NRG3: variants seen among roughly 807,000 people sequenced by gnomAD.
NRG3 encodes the protein neuregulin 3, also known as pro-neuregulin-3, membrane-bound isoform.
In NRG3, 31 loss-of-function variants were observed where a neutral mutation model predicts 66.9. That is an observed-to-expected ratio of 0.46 (90% confidence interval 0.35 to 0.63). The LOEUF (loss-of-function observed/expected upper bound fraction) is 0.63. Among genes scored for constraint, NRG3 ranks in the 20% least tolerant of loss-of-function variants. NRG3 has a pLI of 0.00. For synonymous variants in NRG3, 393 were observed against 359.4 expected (o/e 1.09, Z -1.06); for missense variants, 910 against 878.9 (o/e 1.04, Z -0.45).
intron 1 of NRG3, among the ~76,000 whole-genome samples, chr10:82,069,317 C>T (rs1363721624): frequency 6.6e-6 from 1 of 152,108 alleles, no homozygotes; most frequent in Admixed American, 6.6e-5. Flanking sequence ...AGAGGCAAAG[C>T]GTGACACAGT....
intron 2 of NRG3, among the ~76,000 whole-genome samples, chr10:82,711,808 T>A (rs926270024): frequency 6.6e-6 from 1 of 152,182 alleles, no homozygotes; most frequent in Non-Finnish European, 1.5e-5. Context: ...TCCTCTTGGA[T>A]CCCCATTGTG....
At chr10:82,857,526 G>A (rs2063874402) in intron 3 of NRG3, among the ~76,000 whole-genome samples, 1 of 152,174 alleles carries the variant, frequency 6.6e-6, no homozygotes, top group Non-Finnish European at 1.5e-5. Context: ...GGGTGTGGGA[G>A]ATTGGGATTA....
chr10:82,664,089 A>T (rs1309698077), intron 2 of NRG3, among the ~76,000 whole-genome samples: 1 of 152,174 alleles, frequency 6.6e-6, no homozygotes, highest in Non-Finnish European at 1.5e-5. Context: ...AATGTGTTCA[A>T]ATCTGCTTTT....
At chr10:82,703,469 T>C (rs1312371114) in intron 2 of NRG3, among the ~76,000 whole-genome samples, 1 of 152,164 alleles carries the variant, frequency 6.6e-6, no homozygotes, top group Non-Finnish European at 1.5e-5. Context: ...TTATTCTATC[T>C]TGCTACTCAC....
At chr10:81,960,692 TC>T (rs752606792) in intron 1 of NRG3, among the ~76,000 whole-genome samples, 1 of 151,394 alleles carries the variant, frequency 6.6e-6, no homozygotes, top group Non-Finnish European at 1.5e-5. Flanking sequence ...CTCCATACTG[TC>T]CTGCAGCCTG....
intron 1 of NRG3, among the ~76,000 whole-genome samples, chr10:81,976,741 A>G (rs1043906431): frequency 2.0e-5 from 3 of 152,180 alleles, no homozygotes; most frequent in Non-Finnish European, 2.9e-5. Flanking sequence ...TGAATGTGCA[A>G]TTCTACACAC....
intron 1 of NRG3, among the ~76,000 whole-genome samples, chr10:82,279,779 T>C (rs2134424058): frequency 6.6e-6 from 1 of 152,328 alleles, no homozygotes; most frequent in Non-Finnish European, 1.5e-5. Flanking sequence ...ATAATTAACC[T>C]TGGCAACATG....
At chr10:82,707,678 G>A (rs2056397603) in intron 2 of NRG3, among the ~76,000 whole-genome samples, 1 of 151,402 alleles carries the variant, frequency 6.6e-6, no homozygotes, top group Admixed American at 6.6e-5. Flanking sequence ...ACAGGTGTGA[G>A]CCACTGTTCC....
chr10:82,216,575 T>G (rs114325331), intron 1 of NRG3, among the ~76,000 whole-genome samples: 16,632 of 141,482 alleles, frequency 0.12, 1,092 homozygotes, highest in Admixed American at 0.22. Flanking sequence ...TATATCTGGG[T>G]GTGTGTGTGT....
intron 3 of NRG3, among the ~76,000 whole-genome samples, chr10:82,864,897 A>AAG (rs1160824541): frequency 1.3e-5 from 2 of 152,140 alleles, no homozygotes; most frequent in Non-Finnish European, 2.9e-5. Context: ...TAAAAAGTGA[A>AAG]AGAGAGAGAG....
At chr10:82,358,977 A>G (rs1463059999) in intron 2 of NRG3, 109 bp downstream of exon 2, 1 of 1,464,250 alleles carries the variant, frequency 6.8e-7, no homozygotes, top group East Asian at 2.3e-5. Flanking sequence ...ACACAGTCCC[A>G]CCGTTTGAAT....
chr10:82,851,221 TTA>T (rs1378481731), intron 3 of NRG3, among the ~76,000 whole-genome samples: 1 of 152,214 alleles, frequency 6.6e-6, no homozygotes, highest in African/African-American at 2.4e-5. Flanking sequence ...CACATTTCGT[TTA>T]TCTAATTCCA....
chr10:81,901,360 G>T (rs1844053957), intron 1 of NRG3, among the ~76,000 whole-genome samples: 1 of 152,130 alleles, frequency 6.6e-6, no homozygotes, highest in Admixed American at 6.6e-5. Flanking sequence ...AGGGAATTTT[G>T]GTTTTGTATT....
At chr10:82,253,374 C>A (rs994121668) in intron 1 of NRG3, among the ~76,000 whole-genome samples, 3 of 152,238 alleles carry the variant, frequency 2.0e-5, no homozygotes, top group Non-Finnish European at 2.9e-5. Flanking sequence ...CATTGACAAC[C>A]AAGAAGTTGT....
intron 1 of NRG3, among the ~76,000 whole-genome samples, chr10:81,909,818 T>A (rs951527181): frequency 3.3e-5 from 5 of 152,162 alleles, no homozygotes; most frequent in African/African-American, 1.2e-4. Flanking sequence ...GTAATCAAAA[T>A]GGGAAATAGA....
At chr10:82,858,150 T>C (rs896457987) in intron 3 of NRG3, among the ~76,000 whole-genome samples, 10 of 152,204 alleles carry the variant, frequency 6.6e-5, no homozygotes, top group Non-Finnish European at 1.5e-5. Context: ...AGCACTATGC[T>C]CTGGAAGCCT....
At chr10:82,519,922 T>A (rs1236107446) in intron 2 of NRG3, among the ~76,000 whole-genome samples, 1 of 152,086 alleles carries the variant, frequency 6.6e-6, no homozygotes, top group African/African-American at 2.4e-5. Flanking sequence ...TAAAGCTTTG[T>A]TTTTGAAAGT....
intron 3 of NRG3, among the ~76,000 whole-genome samples, chr10:82,798,200 A>G (rs2060884218): frequency 6.6e-6 from 1 of 152,188 alleles, no homozygotes; most frequent in African/African-American, 2.4e-5. Context: ...CTGACCAAAT[A>G]TACACAGTAA....
chr10:82,526,602 A>G (rs991074774), intron 2 of NRG3, among the ~76,000 whole-genome samples: 3 of 151,970 alleles, frequency 2.0e-5, no homozygotes, highest in East Asian at 1.9e-4. Context: ...AGCTATAAAT[A>G]TAACAAAAAT....
Sources: allele counts gnomAD v4.1 joint callset (sites outside exome capture counted in the v4.1 genomes callset), GRCh38; gene constraint gnomAD v4.1.1; transcripts MANE v1.5; gene names NCBI Gene and HGNC (gene_info 2026-07-23, HGNC 2026-07-21).